GPC6: variants seen among roughly 807,000 people sequenced by gnomAD.
The protein encoded by GPC6 is glypican-6.
Under a neutral mutation model 55.2 loss-of-function variants are expected in GPC6, and 14 were observed. The ratio of observed to expected loss-of-function variants is 0.25; its 90% CI spans 0.17 to 0.40. The LOEUF is 0.40. Among genes scored for constraint, GPC6 ranks in the 10% least tolerant of loss-of-function variants. The probability of loss-of-function intolerance (pLI) is 1.00; values close to 1 mark genes in which losing one functional copy is unlikely to be tolerated. For missense variants in GPC6, 641 were observed against 708.5 expected (o/e 0.90, Z 1.08); for synonymous variants, 278 against 259.6 (o/e 1.07, Z -0.68).
At position 94,150,814 on chromosome 13, in the gene GPC6, GTATA is replaced by G. The variant is rs34636081; in HGVS notation, c.877+122934_877+122937del. ...TGAAGCAGAAAGAGAGAGATCAGCA[GTATA>G]TATATATATATATGTTTATTGAATG... On this transcript the variant is annotated intron_variant, in intron 4 of 8. Coordinates refer to ENST00000377047, the MANE Select transcript of GPC6 (RefSeq NM_005708.5). Among the ~76,000 whole-genome samples the G allele has an allele frequency of 1.1e-3, 114 of 100,662 alleles. 8 individuals are homozygous for G. The highest frequency in any genetic ancestry group is 4.0e-3 in the African/African-American group (105 of 26,036). 66.0% of individuals were successfully genotyped at this position (100,662 alleles called of 152,430 possible).
At chr13:93,963,471 C>T (rs1214637186) in intron 3 of GPC6, among the ~76,000 whole-genome samples, 3 of 152,156 alleles carry the variant, frequency 2.0e-5, no homozygotes, top group Non-Finnish European at 4.4e-5. Flanking sequence ...AGAGAGGAAG[C>T]TTAAATAAAC....
At chr13:93,898,770 A>G (rs1266131137) in intron 3 of GPC6, among the ~76,000 whole-genome samples, 1 of 151,792 alleles carries the variant, frequency 6.6e-6, no homozygotes, top group Non-Finnish European at 1.5e-5. Flanking sequence ...AAAGAGTGGG[A>G]TTAGGCAGGA....
Position 93,561,403 on chromosome 13 carries a change from C to CGA in GPC6, c.319+15983_319+15984dup, listed in dbSNP as rs202172446. 5.1e-4 allele frequency among the ~76,000 whole-genome samples: 28 copies of CGA among 55,036 alleles called. 3 individuals are homozygous for CGA. Among genetic ancestry groups the CGA allele is most frequent in the African/African-American group, 2.2e-3 (23 of 10,568 alleles). 36.1% of individuals were successfully genotyped at this position (55,036 alleles called of 152,430 possible). A position where few individuals can be genotyped will look rare whatever the true frequency, so the allele number is the denominator to read the frequency against. ...CAATAATTGCATACTATATCCCTAT[C>CGA]GATATATATATATATATATATATTT... On this transcript the variant is annotated intron_variant, in intron 2 of 8. Coordinates refer to ENST00000377047, the MANE Select transcript of GPC6 (RefSeq NM_005708.5).
At chr13:93,693,315 A>G (rs569258917) in intron 2 of GPC6, among the ~76,000 whole-genome samples, 14 of 152,156 alleles carry the variant, frequency 9.2e-5, no homozygotes, top group Non-Finnish European at 1.8e-4. Flanking sequence ...TGATAAAGTT[A>G]ACTTATCTTT....
intron 1 of GPC6, among the ~76,000 whole-genome samples, chr13:93,539,530 C>T (rs897190344): frequency 2.0e-5 from 3 of 151,920 alleles, no homozygotes; most frequent in South Asian, 2.1e-4. Flanking sequence ...CGGGCTCACG[C>T]GGAATTGGAT....
rs1555326728 is a variant in GPC6, at chr13:94,384,547, A to AC, written c.1289+1997_1289+1998insC. On this transcript the variant is annotated intron_variant, in intron 7 of 8. Coordinates refer to ENST00000377047, the MANE Select transcript of GPC6 (RefSeq NM_005708.5). ...TATGCAATTTCTTACAAAAGGAAAT[A>AC]TTTTTTTAAAAAAAGGCCATGGGCG... Among the ~76,000 whole-genome samples the AC allele has an allele frequency of 2.9e-4, 43 of 148,812 alleles. 1 individual carries two copies. Among genetic ancestry groups the AC allele is most frequent in the Admixed American group, 7.3e-4 (11 of 15,020 alleles).
intron 1 of GPC6, among the ~76,000 whole-genome samples, chr13:93,427,946 T>C (rs1877211212): frequency 6.6e-6 from 1 of 152,182 alleles, no homozygotes; most frequent in South Asian, 2.1e-4. Context: ...ATAAAGCTTT[T>C]AGACACATGC....
At chr13:94,250,046 A>T (rs1259191582) in intron 4 of GPC6, among the ~76,000 whole-genome samples, 1 of 152,164 alleles carries the variant, frequency 6.6e-6, no homozygotes, top group Non-Finnish European at 1.5e-5. Flanking sequence ...AGCAACATAG[A>T]TCAATAAGTC....
intron 2 of GPC6, among the ~76,000 whole-genome samples, chr13:93,654,715 A>G (rs1337807526): frequency 6.6e-6 from 1 of 152,164 alleles, no homozygotes; most frequent in East Asian, 1.9e-4. Flanking sequence ...AGGTAACTAC[A>G]TGTTGCTTTC....
At chr13:93,491,908 G>A (rs1321451588) in intron 1 of GPC6, among the ~76,000 whole-genome samples, 1 of 107,466 alleles carries the variant, frequency 9.3e-6, no homozygotes, top group Non-Finnish European at 2.0e-5. Flanking sequence ...GTACCATGCT[G>A]TTTTGGTTAC....
chr13:94,166,195 T>C (rs1888362743), intron 4 of GPC6, among the ~76,000 whole-genome samples: 1 of 152,216 alleles, frequency 6.6e-6, no homozygotes, highest in African/African-American at 2.4e-5. Flanking sequence ...CTTTGTGATT[T>C]CACACTTCAT....
At chr13:93,832,608 C>T (rs1241955489) in intron 3 of GPC6, among the ~76,000 whole-genome samples, 1 of 152,108 alleles carries the variant, frequency 6.6e-6, no homozygotes, top group Non-Finnish European at 1.5e-5. Context: ...GTCTACAAAG[C>T]CATGAGGGAG....
chr13:94,097,332 C>A (rs914694060), intron 4 of GPC6, among the ~76,000 whole-genome samples: 2 of 151,850 alleles, frequency 1.3e-5, no homozygotes, highest in Non-Finnish European at 2.9e-5. Context: ...GAAACCCCGT[C>A]TCTACTAAAA....
intron 1 of GPC6, among the ~76,000 whole-genome samples, chr13:93,250,414 G>A (rs1211790147): frequency 6.6e-6 from 1 of 152,142 alleles, no homozygotes; most frequent in Non-Finnish European, 1.5e-5. Context: ...TATTCAAGTT[G>A]GGAAGGACCG....
At chr13:93,294,369 T>A (rs1021847450) in intron 1 of GPC6, among the ~76,000 whole-genome samples, 4 of 152,206 alleles carry the variant, frequency 2.6e-5, no homozygotes, top group Non-Finnish European at 5.9e-5. Context: ...TAATAATGAA[T>A]CTGTTATTTA....
At chr13:93,701,895 G>T (rs1339498573) in intron 2 of GPC6, among the ~76,000 whole-genome samples, 4 of 151,996 alleles carry the variant, frequency 2.6e-5, no homozygotes, top group African/African-American at 4.8e-5. Context: ...CACTTTTGCA[G>T]TTACTTCCTT....
intron 2 of GPC6, among the ~76,000 whole-genome samples, chr13:93,636,341 C>T (rs796587800): frequency 1.3e-5 from 2 of 152,132 alleles, no homozygotes; most frequent in South Asian, 4.1e-4. Context: ...ATTGAAACCC[C>T]TGATTGAAAT....
chr13:94,117,476 T>TA (rs1886473497), intron 4 of GPC6, among the ~76,000 whole-genome samples: 1 of 152,114 alleles, frequency 6.6e-6, no homozygotes, highest in South Asian at 2.1e-4. Flanking sequence ...CCATTTACAA[T>TA]ATAGGGCTTA....
In GPC6 at chr13:93,980,164, C is replaced by T. The variant is rs558865272; in HGVS notation, c.712-47565C>T. Among the ~76,000 whole-genome samples the T allele has an allele frequency of 2.6e-5, 4 of 152,174 alleles. No individual in the cohort carries two copies. The South Asian group carries it at 8.3e-4, about 32-fold the overall frequency. On this transcript the variant is annotated intron_variant, in intron 3 of 8. Coordinates refer to ENST00000377047, the MANE Select transcript of GPC6 (RefSeq NM_005708.5). ...ACCATACAGTCAGCTTGTGCCTGTA[C>T]CAACTGAGGCTTTTCTCCCCTTTTT...
Sources: allele counts gnomAD v4.1 joint callset (sites outside exome capture counted in the v4.1 genomes callset), GRCh38; gene constraint gnomAD v4.1.1; transcripts MANE v1.5; gene names NCBI Gene and HGNC (gene_info 2026-07-23, HGNC 2026-07-21).